PHF24: variants seen among roughly 807,000 people sequenced by gnomAD.
PHF24 encodes the protein Galpha inhibitory interacting protein.
PHF24 carries 25 observed loss-of-function variants against 42.6 expected under a neutral mutation model. The observed-to-expected ratio is 0.59, with a 90% CI of 0.43 to 0.82. The LOEUF (loss-of-function observed/expected upper bound fraction) is 0.82. Among genes scored for constraint, PHF24 ranks in the 40% least tolerant of loss-of-function variants. PHF24 has a pLI of 0.00. For missense variants in PHF24, 470 were observed against 538.1 expected, an observed-to-expected ratio of 0.87 and a Z score of 1.25; for synonymous variants, 185 against 204.8, an observed-to-expected ratio of 0.90 and a Z score of 0.83.
chr9:34,917,399 A>G, the PHF24 span: 7 of 770,278 alleles, frequency 9.1e-6, no homozygotes, highest in Non-Finnish European at 1.7e-5. Context: ...AGGCTCCAAC[A>G]GTGACATGTA....
chr9:34,913,222 C>T, the PHF24 span, among the ~76,000 whole-genome samples: 5 of 151,930 alleles, frequency 3.3e-5, no homozygotes, highest in Non-Finnish European at 7.4e-5. Flanking sequence ...ATAAAATTCA[C>T]GTCAGTGGAA....
At chr9:34,769,814 A>G in the PHF24 span, among the ~76,000 whole-genome samples, 1 of 152,224 alleles carries the variant, frequency 6.6e-6, no homozygotes, top group African/African-American at 2.4e-5. Flanking sequence ...ATAAACATAT[A>G]TCTTTTGAAT....
At chr9:34,871,163 G>A in the PHF24 span, among the ~76,000 whole-genome samples, 1 of 152,114 alleles carries the variant, frequency 6.6e-6, no homozygotes, top group African/African-American at 2.4e-5. Context: ...ATCTTGTCTT[G>A]TTGTTTTAAT....
the PHF24 span, among the ~76,000 whole-genome samples, chr9:34,815,964 A>G: frequency 6.6e-6 from 1 of 152,204 alleles, no homozygotes; most frequent in South Asian, 2.1e-4. Context: ...ATTCCTAGGA[A>G]GCAGATAGCT....
At chr9:34,981,651 C>T (rs1827393326) in exon 8 of PHF24, 1 of 152,060 alleles carries the variant, frequency 6.6e-6, no homozygotes, top group African/African-American at 2.4e-5. Flanking sequence ...AAAGGCAGAA[C>T]AGTTTTGATG....
At chr9:34,875,948 A>ACTCT in the PHF24 span, among the ~76,000 whole-genome samples, 16 of 79,916 alleles carry the variant, frequency 2.0e-4, no homozygotes, top group South Asian at 2.1e-3. Flanking sequence ...ACACACACAC[A>ACTCT]CACTCTCTCT....
the PHF24 span, among the ~76,000 whole-genome samples, chr9:34,752,633 C>A: frequency 2.0e-5 from 3 of 152,154 alleles, 1 homozygote; most frequent in South Asian, 4.1e-4. Context: ...ACCAATCCTA[C>A]TCAAACTATT....
the PHF24 span, among the ~76,000 whole-genome samples, chr9:34,789,212 C>T: frequency 3.9e-5 from 6 of 152,262 alleles, no homozygotes; most frequent in Middle Eastern, 3.4e-3. Context: ...ACTCTGATAC[C>T]GTGAAAACCT....
At chr9:34,778,570 G>A in the PHF24 span, among the ~76,000 whole-genome samples, 1 of 152,054 alleles carries the variant, frequency 6.6e-6, no homozygotes, top group African/African-American at 2.4e-5. Context: ...TCAGGAAGAT[G>A]TAACACATAT....
chr9:34,735,133 C>CTTTTTTTTTTTTTTTTTTTTTTTTTT, the PHF24 span, among the ~76,000 whole-genome samples: 1 of 112,486 alleles, frequency 8.9e-6, no homozygotes. Flanking sequence ...TTTCTTTTTT[C>CTTTTTTTTTTTTTTTTTTTTTTTTTT]TTTTTTTTTT....
At chr9:34,699,807 G>A in the PHF24 span, among the ~76,000 whole-genome samples, 3 of 152,204 alleles carry the variant, frequency 2.0e-5, no homozygotes, top group Non-Finnish European at 4.4e-5. Context: ...CAACAGATAC[G>A]CGTTCCTGCT....
the PHF24 span, chr9:34,833,747 A>G: frequency 6.5e-7 from 1 of 1,542,016 alleles, no homozygotes; most frequent in Non-Finnish European, 8.8e-7. Flanking sequence ...CTCTTTTGCA[A>G]CGTCTGTACA....
the PHF24 span, among the ~76,000 whole-genome samples, chr9:34,741,189 G>A: frequency 6.6e-6 from 1 of 150,548 alleles, no homozygotes; most frequent in African/African-American, 2.5e-5. Flanking sequence ...CCTGGCCTGT[G>A]TCCTCTCATT....
At chr9:34,799,726 CCTTTTATGGA>C in the PHF24 span, among the ~76,000 whole-genome samples, 1 of 152,014 alleles carries the variant, frequency 6.6e-6, no homozygotes, top group Non-Finnish European at 1.5e-5. Context: ...ATGAAATTGC[CCTTTTATGGA>C]CTTATAGGCA....
upstream of PHF24, among the ~76,000 whole-genome samples, chr9:34,952,813 T>C (rs768582568): frequency 3.9e-5 from 6 of 152,200 alleles, no homozygotes; most frequent in Admixed American, 2.0e-4. Flanking sequence ...TTTGGACATA[T>C]GCAAATACCT....
the PHF24 span, among the ~76,000 whole-genome samples, chr9:34,814,948 C>G: frequency 6.6e-6 from 1 of 152,088 alleles, no homozygotes. Context: ...GCCATGTTGG[C>G]CAGGCTAGTC....
the PHF24 span, among the ~76,000 whole-genome samples, chr9:34,839,441 T>C: frequency 6.6e-6 from 1 of 152,204 alleles, no homozygotes; most frequent in African/African-American, 2.4e-5. Context: ...TCAGGACTCA[T>C]CACTCCTATA....
At chr9:34,940,297 A>G in the PHF24 span, among the ~76,000 whole-genome samples, 1 of 152,202 alleles carries the variant, frequency 6.6e-6, no homozygotes, top group East Asian at 1.9e-4. Flanking sequence ...AAAGACACAC[A>G]GAAGCAGTCC....
chr9:34,679,566 T>G, the PHF24 span, among the ~76,000 whole-genome samples: 4 of 152,112 alleles, frequency 2.6e-5, no homozygotes, highest in African/African-American at 7.2e-5. Flanking sequence ...AATACAAAAA[T>G]TAGCTGGGTG....
Sources: allele counts gnomAD v4.1 joint callset (sites outside exome capture counted in the v4.1 genomes callset), GRCh38; gene constraint gnomAD v4.1.1; transcripts MANE v1.5; gene names NCBI Gene and HGNC (gene_info 2026-07-23, HGNC 2026-07-21).